Variants in PLD1 observed in about 807,000 individuals in gnomAD.
The protein encoded by PLD1 is phospholipase D1, also known as choline phosphatase 1.
A neutral mutation model predicts 137.1 loss-of-function variants in PLD1; 112 were observed. The ratio of observed to expected loss-of-function variants is 0.82; its 90% CI spans 0.70 to 0.96. PLD1 has a LOEUF of 0.96. PLD1 is among the 40% of genes least tolerant of loss of function. The pLI, the probability that PLD1 is intolerant of heterozygous loss-of-function variation, is 0.00. For synonymous variants in PLD1, 431 were observed against 454.7 expected (o/e 0.95, Z 0.66); for missense variants, 1,321 against 1,342.0 (o/e 0.98, Z 0.24).
At chr3:171,723,347 G>A (rs938029187) in intron 8 of PLD1, among the ~76,000 whole-genome samples, 22 of 152,116 alleles carry the variant, frequency 1.4e-4, no homozygotes, top group African/African-American at 5.3e-4. Flanking sequence ...TCATGTGTAT[G>A]TACATTTTCT....
intron 1 of PLD1, chr3:171,765,433 C>T (rs1458741167): frequency 4.6e-5 from 7 of 152,242 alleles, no homozygotes; most frequent in African/African-American, 1.2e-4. Flanking sequence ...ATCAGCCTAC[C>T]GCCTCTTTTT....
At chr3:171,609,623 G>A (rs1210129951) in intron 25 of PLD1, among the ~76,000 whole-genome samples, 19 of 151,710 alleles carry the variant, frequency 1.3e-4, no homozygotes. Context: ...CATGGAGTTG[G>A]AAGCCATTAT....
At chr3:171,722,975 A>C (rs1718242724) in intron 8 of PLD1, among the ~76,000 whole-genome samples, 1 of 152,164 alleles carries the variant, frequency 6.6e-6, no homozygotes, top group South Asian at 2.1e-4. Flanking sequence ...GGTATCCATC[A>C]CCTCAAGCAT....
intron 8 of PLD1, among the ~76,000 whole-genome samples, chr3:171,723,598 G>T (rs1413130545): frequency 6.6e-6 from 1 of 152,094 alleles, no homozygotes; most frequent in East Asian, 1.9e-4. Context: ...AACAGTGTAT[G>T]AGGGTTCCCT....
chr3:171,653,907 T>C (rs1033313260), intron 21 of PLD1: 12 of 216,528 alleles, frequency 5.5e-5, no homozygotes, highest in Admixed American at 4.0e-4. Flanking sequence ...GAAGGTCACA[T>C]ACCTGTGGAT....
chr3:171,776,313 T>G (rs1722589936), intron 1 of PLD1, among the ~76,000 whole-genome samples: 1 of 152,182 alleles, frequency 6.6e-6, no homozygotes, highest in African/African-American at 2.4e-5. Context: ...TAGAACCTGA[T>G]CGCAAGAGGT....
intron 1 of PLD1, among the ~76,000 whole-genome samples, chr3:171,773,736 T>TA (rs1722489176): frequency 6.7e-6 from 1 of 150,332 alleles, no homozygotes; most frequent in Admixed American, 6.5e-5. Flanking sequence ...ACTCTATTAT[T>TA]ATACCAGTTT....
At chr3:171,748,564 A>G (rs1359841174) in intron 1 of PLD1, among the ~76,000 whole-genome samples, 1 of 152,002 alleles carries the variant, frequency 6.6e-6, no homozygotes, top group Non-Finnish European at 1.5e-5. Flanking sequence ...TCACATTGTA[A>G]TCTCCTCCAA....
At chr3:171,645,562 G>A (rs1056385422) in intron 21 of PLD1, among the ~76,000 whole-genome samples, 2 of 152,084 alleles carry the variant, frequency 1.3e-5, no homozygotes, top group Non-Finnish European at 1.5e-5. Flanking sequence ...GTTTTCAGCT[G>A]TAAAATGTTA....
chr3:171,645,105 G>T, intron 21 of PLD1, 82 bp from the exon 22 acceptor site: 5 of 882,582 alleles, frequency 5.7e-6, no homozygotes, highest in Non-Finnish European at 9.6e-6. Context: ...CAGTTCACAT[G>T]GTTTTTGAGA....
intron 23 of PLD1, 38 bp from the exon 24 acceptor site, chr3:171,620,558 C>T: frequency 7.7e-7 from 1 of 1,303,186 alleles, no homozygotes; most frequent in Non-Finnish European, 1.1e-6. Context: ...ATTAATATGA[C>T]CAAGCTCAAT....
chr3:171,722,680 T>A (rs1718217988), intron 8 of PLD1, among the ~76,000 whole-genome samples: 1 of 152,180 alleles, frequency 6.6e-6, no homozygotes, highest in Non-Finnish European at 1.5e-5. Context: ...ATTTTTAGAT[T>A]TTTATTCAGA....
At chr3:171,636,962 GT>G in intron 23 of PLD1, among the ~76,000 whole-genome samples, 1 of 152,112 alleles carries the variant, frequency 6.6e-6, no homozygotes, top group African/African-American at 2.4e-5. Flanking sequence ...AGGTTTTTTT[GT>G]TTTGTTTTAA....
chr3:171,782,615 C>T (rs1241555084), intron 1 of PLD1, among the ~76,000 whole-genome samples: 4 of 151,986 alleles, frequency 2.6e-5, no homozygotes, highest in Non-Finnish European at 4.4e-5. Context: ...TAGGTGGTGG[C>T]TTATGGGTGT....
chr3:171,803,535 A>G (rs1295135419), intron 1 of PLD1, among the ~76,000 whole-genome samples: 5 of 152,204 alleles, frequency 3.3e-5, no homozygotes, highest in Non-Finnish European at 5.9e-5. Context: ...GGAGTTCAAG[A>G]CCAGCCTGAC....
At chr3:171,703,405 C>T (rs984404844) in intron 11 of PLD1, among the ~76,000 whole-genome samples, 4 of 152,072 alleles carry the variant, frequency 2.6e-5, no homozygotes, top group Admixed American at 6.5e-5. Context: ...TGTCTTTATT[C>T]GTAGATCACA....
At chr3:171,715,386 T>C (rs543715362) in intron 8 of PLD1, among the ~76,000 whole-genome samples, 39 of 152,352 alleles carry the variant, frequency 2.6e-4, no homozygotes, top group African/African-American at 8.7e-4. Flanking sequence ...AGTCAGGTAG[T>C]GTAATGCCTC....
chr3:171,696,921 A>G (rs1715747091), intron 12 of PLD1, among the ~76,000 whole-genome samples: 1 of 152,228 alleles, frequency 6.6e-6, no homozygotes. Context: ...TCAGGCAATA[A>G]CGTTTATTTG....
Position 171,620,409 on chromosome 3 carries a change from G to T in PLD1, c.2705C>A (p.Ala902Asp). Reference sequence around the variant, plus strand: ...ACCAATAATAACAGTGTTATCATCAGCAATTAACAACTTGCTGTGGACATA... The same window carrying T: ...ACCAATAATAACAGTGTTATCATCATCAATTAACAACTTGCTGTGGACATA... ...LIYVHSKLLI[A>D]DDNTVIIGSA... The change falls in exon 24 of 27, where the codon GCT (alanine) becomes GAT (aspartate). Residue 902 changes from alanine (A) to aspartate (D), a missense_variant. Transcript: ENST00000351298. 1 of 1,597,146 alleles carries T rather than the reference G, an allele frequency of 6.3e-7. No homozygotes were observed. Among genetic ancestry groups the T allele is most frequent in the Non-Finnish European group, 8.6e-7 (1 of 1,167,868 alleles).
Sources: gnomAD v4.1 joint callset for allele counts (sites outside exome capture counted in the v4.1 genomes callset) on GRCh38, gnomAD v4.1.1 for gene constraint, MANE v1.5 for transcripts, NCBI Gene and HGNC (gene_info 2026-07-23, HGNC 2026-07-21) for gene names.